The following LARP1B variants were observed in gnomAD, a reference collection of about 807,000 sequenced individuals.
LARP1B encodes the protein La ribonucleoprotein 1B, also known as la-related protein 1B.
In LARP1B, 76 loss-of-function variants were observed where a neutral mutation model predicts 114.2. That is an observed-to-expected ratio of 0.67 (90% confidence interval 0.55 to 0.81). The LOEUF is 0.81. Ranked by LOEUF, LARP1B falls within the 30% of genes least tolerant of loss-of-function variation. The probability of loss-of-function intolerance (pLI) is 0.00; values close to 1 mark genes in which losing one functional copy is unlikely to be tolerated. For missense variants in LARP1B, 1,014 were observed against 1,075.8 expected (o/e 0.94, Z 0.80); for synonymous variants, 345 against 348.0 (o/e 0.99, Z 0.10).
chr4:128,098,099 T>A (rs1580322187), intron 7 of LARP1B, 87 bp from the exon 8 acceptor site: 3 of 1,005,338 alleles, frequency 3.0e-6, no homozygotes, highest in East Asian at 5.1e-5. Context: ...TTCATGTTAA[T>A]GATTGGTTTT....
chr4:128,061,133 G>A (rs1223929750), upstream of LARP1B: 3 of 152,128 alleles, frequency 2.0e-5, no homozygotes, highest in African/African-American at 7.2e-5. Context: ...GCACTCGGAG[G>A]GCAGCTGGGG....
At chr4:128,216,313 C>G (rs1299676753), downstream of LARP1B, among the ~76,000 whole-genome samples, 1 of 22,184 alleles carries the variant, frequency 4.5e-5, no homozygotes, top group East Asian at 8.9e-4. Context: ...ATCTACAGAA[C>G]TCTCCACCCC....
downstream of LARP1B, among the ~76,000 whole-genome samples, chr4:128,216,508 C>T (rs1466419241): frequency 6.8e-6 from 1 of 147,614 alleles, no homozygotes; most frequent in Non-Finnish European, 1.5e-5. Flanking sequence ...AGCTGCTCAA[C>T]TACTTGGAAA....
chr4:128,072,701 C>T (rs1015917974), intron 1 of LARP1B, among the ~76,000 whole-genome samples: 6 of 152,062 alleles, frequency 3.9e-5, no homozygotes, highest in African/African-American at 7.2e-5. Flanking sequence ...GGATTACAGG[C>T]ATGCGCCACC....
At chr4:128,184,216 C>A (rs1749541805) in intron 15 of LARP1B, among the ~76,000 whole-genome samples, 1 of 152,260 alleles carries the variant, frequency 6.6e-6, no homozygotes, top group Admixed American at 6.5e-5. Flanking sequence ...ATCCATGCTA[C>A]AGAGAAAACT....
In LARP1B at chr4:128,077,777, C is replaced by A; in HGVS notation, c.43-11C>A. ...AATGGAAATCATTTCATTCTGAAAACCTTTTTGCAGTTTCAGAGCGTCCTC... is the reference window on the plus strand; with the variant it reads ...AATGGAAATCATTTCATTCTGAAAAACTTTTTGCAGTTTCAGAGCGTCCTC... On this transcript the variant is annotated splice_polypyrimidine_tract_variant and intron_variant, in intron 3 of 19. Transcript: ENST00000326639. 6.6e-7 allele frequency: 1 copy of A among 1,525,116 alleles called. No homozygotes were observed. Among genetic ancestry groups the A allele is most frequent in the Non-Finnish European group, 8.8e-7 (1 of 1,140,408 alleles). The allele number at this position is 1,525,116 out of a possible 1,614,324, so 94.5% of individuals were successfully genotyped here. A position where few individuals can be genotyped will look rare whatever the true frequency, so the allele number is the denominator to read the frequency against.
chr4:128,137,389 G>GT (rs1561368709), intron 11 of LARP1B, among the ~76,000 whole-genome samples: 1 of 152,158 alleles, frequency 6.6e-6, no homozygotes, highest in African/African-American at 2.4e-5. Context: ...CAAAACAGCA[G>GT]TTCCTATACA....
chr4:128,081,547 T>C (rs1212631505), intron 4 of LARP1B, among the ~76,000 whole-genome samples: 2 of 152,050 alleles, frequency 1.3e-5, no homozygotes, highest in African/African-American at 4.8e-5. Flanking sequence ...AGGAGTTCAG[T>C]TGTGTGTTTG....
chr4:128,140,990 A>AT (rs752288642), intron 11 of LARP1B, among the ~76,000 whole-genome samples: 73 of 151,728 alleles, frequency 4.8e-4, no homozygotes, highest in Non-Finnish European at 8.0e-4. Flanking sequence ...TAATTTTTGT[A>AT]TTTTTAGTAG....
At chr4:128,096,684 T>C (rs979814925) in intron 7 of LARP1B, among the ~76,000 whole-genome samples, 3 of 151,826 alleles carry the variant, frequency 2.0e-5, no homozygotes, top group African/African-American at 7.3e-5. Context: ...CACTGAAAGC[T>C]CCGCCTCCCA....
intron 11 of LARP1B, among the ~76,000 whole-genome samples, chr4:128,155,087 A>G (rs1254915060): frequency 6.6e-6 from 1 of 152,278 alleles, no homozygotes; most frequent in East Asian, 1.9e-4. Flanking sequence ...AAATTTTTTT[A>G]TATCCATTAG....
chr4:128,145,477 T>G (rs1729927828), intron 11 of LARP1B, among the ~76,000 whole-genome samples: 1 of 152,158 alleles, frequency 6.6e-6, no homozygotes, highest in South Asian at 2.1e-4. Context: ...GGGTATGTCT[T>G]AGGTAGTCTT....
chr4:128,155,926 G>A, intron 11 of LARP1B: 1 of 1,540,618 alleles, frequency 6.5e-7, no homozygotes, highest in Non-Finnish European at 9.0e-7. Flanking sequence ...AGGAGCCAAG[G>A]AGGGGTACAC....
chr4:128,144,435 T>A (rs1318220510), intron 11 of LARP1B, among the ~76,000 whole-genome samples: 2 of 148,202 alleles, frequency 1.3e-5, no homozygotes, highest in Non-Finnish European at 2.9e-5. Context: ...TCCTTACTCA[T>A]TTTTTACTTG....
At chr4:128,135,098 A>AAAT (rs1792866659) in intron 11 of LARP1B, among the ~76,000 whole-genome samples, 1 of 141,510 alleles carries the variant, frequency 7.1e-6, no homozygotes, top group African/African-American at 2.6e-5. Flanking sequence ...ACTTCATCTC[A>AAAT]AAATAAATAA....
intron 3 of LARP1B, 49 bp downstream of exon 3, chr4:128,075,042 C>A: frequency 8.8e-7 from 1 of 1,132,740 alleles, no homozygotes; most frequent in South Asian, 1.3e-5. Context: ...AAAATGTATT[C>A]ATTTCGACAT....
intron 11 of LARP1B, among the ~76,000 whole-genome samples, chr4:128,150,292 CTTTT>C (rs5861846): frequency 7.4e-6 from 1 of 135,008 alleles, no homozygotes. Context: ...TAATTTTTTT[CTTTT>C]TTTTTTTTTT....
chr4:128,069,012 T>G (rs1260330612), intron 1 of LARP1B: 2 of 829,408 alleles, frequency 2.4e-6, no homozygotes, highest in Admixed American at 2.9e-5. Context: ...ACTTTACTTA[T>G]ATTGGCTGTA....
At chr4:128,156,064 C>T in intron 11 of LARP1B, 1 of 1,592,394 alleles carries the variant, frequency 6.3e-7, no homozygotes, top group Non-Finnish European at 8.6e-7. Flanking sequence ...CACACCCTCC[C>T]TAACTCCTTT....
Sources: gnomAD v4.1 joint callset for allele counts (sites outside exome capture counted in the v4.1 genomes callset) on GRCh38, gnomAD v4.1.1 for gene constraint, MANE v1.5 for transcripts, NCBI Gene and HGNC (gene_info 2026-07-23, HGNC 2026-07-21) for gene names.